NBEA: variants seen among roughly 807,000 people sequenced by gnomAD.
The protein encoded by NBEA is neurobeachin.
A neutral mutation model predicts 343.4 loss-of-function variants in NBEA; 44 were observed. That is an observed-to-expected ratio of 0.13 (90% CI 0.10 to 0.16). NBEA has a LOEUF of 0.16. Ranked by LOEUF, NBEA falls within the 10% of genes least tolerant of loss-of-function variation. NBEA has a pLI of 1.00. For synonymous variants in NBEA, 1,175 were observed against 1,238.7 expected, an observed-to-expected ratio of 0.95 and a Z score of 1.08; for missense variants, 2,555 against 3,631.3, an observed-to-expected ratio of 0.70 and a Z score of 7.62.
At chr13:35,323,913 G>A (rs1370126967) in intron 36 of NBEA, among the ~76,000 whole-genome samples, 1 of 151,956 alleles carries the variant, frequency 6.6e-6, no homozygotes, top group Admixed American at 6.6e-5. Flanking sequence ...TTATTTCTTA[G>A]AGACACATAT....
At chr13:35,531,205 A>T (rs913623871) in intron 41 of NBEA, among the ~76,000 whole-genome samples, 1 of 152,204 alleles carries the variant, frequency 6.6e-6, no homozygotes, top group African/African-American at 2.4e-5. Context: ...AAGAAAAAAA[A>T]AAATCTTCAG....
Position 35,110,842 on chromosome 13 carries a change from T to C in NBEA, c.1866T>C (p.Ala622=), listed in dbSNP as rs1378367594. The change falls in exon 13 of 59, where the codon GCT becomes GCC. Residue 622 remains alanine (A), a synonymous_variant. Transcript: ENST00000379939. ...VQLSLYTYLS[A]EFIGTATIYT... is the part of the protein sequence containing the mutation. ...TTTCCCTATACACATATTTGTCTGCTGAATTTATTGGAACTGCTACCATCT... is the reference window on the plus strand; with the variant it reads ...TTTCCCTATACACATATTTGTCTGCCGAATTTATTGGAACTGCTACCATCT... 1.4e-5 allele frequency: 22 copies of C among 1,612,404 alleles called. No homozygotes were observed. Among genetic ancestry groups the C allele is most frequent in the Non-Finnish European group, 1.9e-5 (22 of 1,178,762 alleles).
At chr13:35,210,903 G>T in intron 32 of NBEA, 150 bp from the exon 33 acceptor site, 2 of 711,190 alleles carry the variant, frequency 2.8e-6, no homozygotes, top group Admixed American at 6.0e-5. Flanking sequence ...ATGTTCATTA[G>T]CATACTTACT....
chr13:35,273,700 G>T (rs2034356946), intron 34 of NBEA, among the ~76,000 whole-genome samples: 1 of 152,112 alleles, frequency 6.6e-6, no homozygotes, highest in African/African-American at 2.4e-5. Context: ...CGTTCCTGCA[G>T]AAATACAAAC....
rs2062833445 is a variant in NBEA at position 35,045,867 on chromosome 13, A to G, written c.723+466A>G. ...CTCAGCCTCCCAAGTAGCTGGTATT[A>G]CAGACACCCGCCACCATGCCCAGCT... On this transcript the variant is annotated intron_variant, in intron 4 of 58. Transcript: ENST00000379939. 3.9e-5 allele frequency among the ~76,000 whole-genome samples: 6 copies of G among 152,102 alleles called. No individual in the cohort carries two copies. In the South Asian group the frequency reaches 1.2e-3, roughly 32 times the overall value.
chr13:35,475,448 C>G, intron 41 of NBEA: 2 of 1,613,224 alleles, frequency 1.2e-6, no homozygotes, highest in Non-Finnish European at 1.7e-6. Context: ...AACTGCAGCA[C>G]CCAGGCGTCG....
chr13:35,335,390 G>T lies in NBEA; in HGVS notation c.5904-13718G>T, dbSNP rs543588103. On this transcript the variant is annotated intron_variant, in intron 36 of 58. Coordinates refer to ENST00000379939, the MANE Select transcript of NBEA (RefSeq NM_001385012.1). ...TCTATTTCTGTGAAGAATGTCATTG[G>T]TATTTTGATGGGGACTGCATTGAAT... is the stretch of plus-strand genomic sequence containing the variant. Among the ~76,000 whole-genome samples the T allele has an allele frequency of 1.4e-4, 22 of 152,160 alleles. No homozygotes were observed. The South Asian group carries it at 2.1e-3, about 14-fold the overall frequency.
At chr13:35,041,993 C>A (rs2062668687) in intron 2 of NBEA, among the ~76,000 whole-genome samples, 1 of 151,868 alleles carries the variant, frequency 6.6e-6, no homozygotes, top group East Asian at 1.9e-4. Context: ...TATTACCCTC[C>A]ACAGTATTAT....
chr13:35,059,625 A>G (rs556251923), intron 8 of NBEA, among the ~76,000 whole-genome samples: 62 of 151,860 alleles, frequency 4.1e-4, no homozygotes, highest in Non-Finnish European at 4.0e-4. Context: ...GTGGTTTTTT[A>G]TTGAACTCAA....
rs969338902 is a variant in NBEA, at chr13:35,525,979, G to A, written c.6586-24498G>A. Among the ~76,000 whole-genome samples, 5 of 152,132 alleles carry A rather than the reference G, an allele frequency of 3.3e-5. No individual in the cohort carries two copies. In the South Asian group the frequency reaches 6.2e-4, roughly 19 times the overall value. On this transcript the variant is annotated intron_variant, in intron 41 of 58. Coordinates refer to ENST00000379939, the MANE Select transcript of NBEA (RefSeq NM_001385012.1). ...TCAGAGGGAAGGGAGAGACACGAACGTTCGGACCATAGCACTTGGATTCCA... is the reference window on the plus strand; with the variant it reads ...TCAGAGGGAAGGGAGAGACACGAACATTCGGACCATAGCACTTGGATTCCA...
chr13:35,234,134 A>G (rs574094389), intron 34 of NBEA, among the ~76,000 whole-genome samples: 1 of 152,142 alleles, frequency 6.6e-6, no homozygotes, highest in South Asian at 2.1e-4. Flanking sequence ...TATTAGGGCC[A>G]GAGAGGTAAT....
At chr13:35,245,162 C>T (rs181974528) in intron 34 of NBEA, among the ~76,000 whole-genome samples, 1 of 152,228 alleles carries the variant, frequency 6.6e-6, no homozygotes, top group East Asian at 1.9e-4. Flanking sequence ...CTTTTCCACC[C>T]TTTTACCTTA....
At chr13:35,391,447 AAG>A (rs983399122) in intron 38 of NBEA, among the ~76,000 whole-genome samples, 5 of 152,154 alleles carry the variant, frequency 3.3e-5, no homozygotes, top group Admixed American at 6.6e-5. Flanking sequence ...ATAGATATAA[AAG>A]AAGTTATTTA....
chr13:35,241,078 A>C (rs1472316535), intron 34 of NBEA, among the ~76,000 whole-genome samples: 1 of 151,874 alleles, frequency 6.6e-6, no homozygotes, highest in African/African-American at 2.4e-5. Context: ...TATCAATTTT[A>C]ATAAAAATTT....
At chr13:35,670,667 G>A (rs755217424) in intron 58 of NBEA, among the ~76,000 whole-genome samples, 3 of 152,224 alleles carry the variant, frequency 2.0e-5, no homozygotes, top group African/African-American at 4.8e-5. Context: ...GGCCCCTCAC[G>A]CTCTGCAGCA....
intron 31 of NBEA, among the ~76,000 whole-genome samples, chr13:35,201,892 A>G (rs2073047869): frequency 6.6e-6 from 1 of 151,976 alleles, no homozygotes; most frequent in Admixed American, 6.6e-5. Context: ...AACTGCCCTC[A>G]CTATTTCCAT....
chr13:35,067,683 C>T lies in NBEA; in HGVS notation c.1240-2225C>T, dbSNP rs185542122. Among the ~76,000 whole-genome samples, 313 of 151,932 alleles carry T rather than the reference C, an allele frequency of 2.1e-3. 1 individual carries two copies. The highest frequency in any genetic ancestry group is 2.6e-3 in the Non-Finnish European group (180 of 67,956). On this transcript the variant is annotated intron_variant, in intron 8 of 58. Transcript: ENST00000379939. Reference sequence around the variant, plus strand: ...GAAAATCCTTCTGAAAGAAATAATACGGTAAACATTGATATTTATATAAAG... The same window carrying T: ...GAAAATCCTTCTGAAAGAAATAATATGGTAAACATTGATATTTATATAAAG...
intron 41 of NBEA, among the ~76,000 whole-genome samples, chr13:35,538,558 G>T (rs1008961744): frequency 6.6e-6 from 1 of 152,182 alleles, no homozygotes; most frequent in African/African-American, 2.4e-5. Context: ...CAGCATCACA[G>T]AATACCTGGA....
At chr13:35,646,583 C>A (rs1482683038) in intron 51 of NBEA, among the ~76,000 whole-genome samples, 2 of 152,166 alleles carry the variant, frequency 1.3e-5, no homozygotes, top group African/African-American at 2.4e-5. Context: ...GCCATCTTCT[C>A]TATGTATGAC....
Sources: gnomAD v4.1 joint callset for allele counts (sites outside exome capture counted in the v4.1 genomes callset) on GRCh38, gnomAD v4.1.1 for gene constraint, MANE v1.5 for transcripts, NCBI Gene and HGNC (gene_info 2026-07-23, HGNC 2026-07-21) for gene names.